Variants in SPHKAP observed in about 807,000 individuals in gnomAD.
SPHKAP encodes the protein SPHK1 interactor, AKAP domain containing, also known as A-kinase anchor protein SPHKAP.
In SPHKAP, 67 loss-of-function variants were observed where a neutral mutation model predicts 137.5. That is an observed-to-expected ratio of 0.49 (90% confidence interval 0.40 to 0.60). The LOEUF (loss-of-function observed/expected upper bound fraction) is 0.60, where lower values mean the gene tolerates loss of function less well. Among genes scored for constraint, SPHKAP ranks in the 20% least tolerant of loss-of-function variants. The pLI, the probability that SPHKAP is intolerant of heterozygous loss-of-function variation, is 0.00. For synonymous variants in SPHKAP, 813 were observed against 785.3 expected, an observed-to-expected ratio of 1.04 and a Z score of -0.59; for missense variants, 2,097 against 2,069.3, an observed-to-expected ratio of 1.01 and a Z score of -0.26.
intron 1 of SPHKAP, among the ~76,000 whole-genome samples, chr2:228,159,470 C>T (rs528769958): frequency 6.6e-6 from 1 of 152,242 alleles, no homozygotes; most frequent in South Asian, 2.1e-4. Context: ...TAGGCTCCTA[C>T]CCTCCCACAG....
At chr2:228,079,114 G>A (rs1697277976) in intron 3 of SPHKAP, among the ~76,000 whole-genome samples, 1 of 152,210 alleles carries the variant, frequency 6.6e-6, no homozygotes, top group Non-Finnish European at 1.5e-5. Context: ...GTGGGGCTTA[G>A]GGGTGTGGTG....
rs546660936 is a variant in SPHKAP at position 228,159,159 on chromosome 2, C to A, written c.32+22408G>T. ...CTGCCTTTACCAACTCAGACACTGT[C>A]CAGTTTCCTAAATATGGTGTGAAGG... On this transcript the variant is annotated intron_variant, in intron 1 of 11. Transcript: ENST00000392056. Among the ~76,000 whole-genome samples, 9 of 152,216 alleles carry A rather than the reference C, an allele frequency of 5.9e-5. No homozygotes were observed. In the South Asian group the frequency reaches 1.7e-3, roughly 28 times the overall value.
At chr2:228,041,146 A>C (rs115666091) in intron 3 of SPHKAP, among the ~76,000 whole-genome samples, 1 of 152,314 alleles carries the variant, frequency 6.6e-6, no homozygotes, top group South Asian at 2.1e-4. Context: ...CTTGTGTTTT[A>C]TCAGCCACTG....
chr2:228,092,044 T>C (rs1559168454), intron 3 of SPHKAP, among the ~76,000 whole-genome samples: 1 of 151,352 alleles, frequency 6.6e-6, no homozygotes, highest in African/African-American at 2.4e-5. Context: ...AATAAGTGGA[T>C]AAAGAAATTG....
intron 3 of SPHKAP, among the ~76,000 whole-genome samples, chr2:228,047,236 T>A (rs1696093672): frequency 6.6e-6 from 1 of 152,086 alleles, no homozygotes; most frequent in African/African-American, 2.4e-5. Context: ...GAGGCCGAAG[T>A]GAGCAGATCA....
chr2:228,082,446 A>C (rs909077916), intron 3 of SPHKAP, among the ~76,000 whole-genome samples: 1 of 28,664 alleles, frequency 3.5e-5, no homozygotes, highest in East Asian at 1.0e-3. Context: ...AGCATTATGT[A>C]AGTAGATAAA....
At chr2:228,057,038 C>T (rs73096646) in intron 3 of SPHKAP, among the ~76,000 whole-genome samples, 2,821 of 152,330 alleles carry the variant, frequency 0.019, 87 homozygotes, top group African/African-American at 0.062. Context: ...CACTGCACAA[C>T]AAGGAAGCGA....
At chr2:228,074,841 TCTC>T (rs944471515) in intron 3 of SPHKAP, among the ~76,000 whole-genome samples, 21 of 152,246 alleles carry the variant, frequency 1.4e-4, no homozygotes, top group African/African-American at 4.8e-4. Flanking sequence ...CTTCTCTCTC[TCTC>T]CTTTCTCTCC....
chr2:228,109,835 T>G (rs10202596), intron 2 of SPHKAP, among the ~76,000 whole-genome samples: 1 of 151,150 alleles, frequency 6.6e-6, no homozygotes, highest in African/African-American at 2.4e-5. Flanking sequence ...GGCGTGGTGG[T>G]GCGCCCCTGT....
chr2:228,127,007 T>C (rs1259030051), intron 2 of SPHKAP, among the ~76,000 whole-genome samples: 4 of 152,212 alleles, frequency 2.6e-5, no homozygotes, highest in Non-Finnish European at 5.9e-5. Flanking sequence ...AATTTAGCAA[T>C]ATGTCAGTTC....
At chr2:228,047,942 G>A (rs1470026399) in intron 3 of SPHKAP, among the ~76,000 whole-genome samples, 2 of 152,194 alleles carry the variant, frequency 1.3e-5, no homozygotes, top group Non-Finnish European at 2.9e-5. Context: ...AGGATTCAAC[G>A]TGGAAAGGAG....
intron 3 of SPHKAP, among the ~76,000 whole-genome samples, chr2:228,049,138 A>AT (rs1038546556): frequency 2.6e-5 from 4 of 152,178 alleles, no homozygotes; most frequent in African/African-American, 9.7e-5. Context: ...CTATCTCAGG[A>AT]TTTTTGGAAG....
At chr2:228,160,705 C>G (rs1017824658) in intron 1 of SPHKAP, among the ~76,000 whole-genome samples, 5 of 152,282 alleles carry the variant, frequency 3.3e-5, no homozygotes, top group African/African-American at 1.2e-4. Flanking sequence ...ATCAAAGATA[C>G]TTGATGGGAC....
At chr2:228,126,772 T>G (rs1405387318) in intron 2 of SPHKAP, among the ~76,000 whole-genome samples, 3 of 152,194 alleles carry the variant, frequency 2.0e-5, no homozygotes, top group Non-Finnish European at 4.4e-5. Flanking sequence ...TCTTTCCTGA[T>G]GCTATGGCTT....
At chr2:227,988,935 C>A (rs1693311067) in intron 11 of SPHKAP, among the ~76,000 whole-genome samples, 1 of 152,118 alleles carries the variant, frequency 6.6e-6, no homozygotes, top group South Asian at 2.1e-4. Context: ...TTGGGTAGAA[C>A]AGCAGGCAGA....
intron 11 of SPHKAP, among the ~76,000 whole-genome samples, chr2:227,985,706 A>C (rs1317949004): frequency 6.6e-6 from 1 of 152,240 alleles, no homozygotes; most frequent in Admixed American, 6.5e-5. Flanking sequence ...CTGTAGACTC[A>C]TTTGAAGAAA....
At chr2:228,027,650 C>G (rs1695095976) in intron 3 of SPHKAP, 107 bp from the exon 4 acceptor site, 1 of 1,085,606 alleles carries the variant, frequency 9.2e-7, no homozygotes, top group African/African-American at 1.6e-5. Flanking sequence ...GAGTCTTCCA[C>G]ATCTTAGACA....
chr2:228,070,693 G>T (rs539650129), intron 3 of SPHKAP, among the ~76,000 whole-genome samples: 1 of 151,782 alleles, frequency 6.6e-6, no homozygotes, highest in African/African-American at 2.4e-5. Flanking sequence ...GTCATCTTTG[G>T]GCTCAATGGC....
intron 6 of SPHKAP, 77 bp from the exon 7 acceptor site, chr2:228,020,233 C>T (rs987122804): frequency 3.3e-5 from 50 of 1,503,878 alleles, no homozygotes; most frequent in Non-Finnish European, 4.3e-5. Flanking sequence ...TAATTACTTT[C>T]TAAAAATAAA....
Sources: gnomAD v4.1 joint callset for allele counts (sites outside exome capture counted in the v4.1 genomes callset) on GRCh38, gnomAD v4.1.1 for gene constraint, MANE v1.5 for transcripts, NCBI Gene and HGNC (gene_info 2026-07-23, HGNC 2026-07-21) for gene names.